RSRC1: variants seen among roughly 807,000 people sequenced by gnomAD.
The protein encoded by RSRC1 is serine/Arginine-related protein 53.
A neutral mutation model predicts 49.1 loss-of-function variants in RSRC1; 39 were observed. The ratio of observed to expected loss-of-function variants is 0.79; its 90% CI spans 0.61 to 1.04. RSRC1 has a LOEUF of 1.04. Among genes scored for constraint, RSRC1 ranks in the 50% least tolerant of loss-of-function variants. The pLI, the probability that RSRC1 is intolerant of heterozygous loss-of-function variation, is 0.00. For missense variants in RSRC1, 388 were observed against 402.4 expected, an observed-to-expected ratio of 0.96 and a Z score of 0.31; for synonymous variants, 143 against 130.8, an observed-to-expected ratio of 1.09 and a Z score of -0.63.
intron 3 of RSRC1, chr3:158,136,689 C>T (rs371159983): frequency 1.3e-5 from 2 of 152,220 alleles, no homozygotes; most frequent in Non-Finnish European, 2.9e-5. Flanking sequence ...TGTGTGGTGA[C>T]TTTATGGTTT....
At chr3:158,234,616 T>C (rs757758352) in intron 4 of RSRC1, among the ~76,000 whole-genome samples, 1 of 152,072 alleles carries the variant, frequency 6.6e-6, no homozygotes, top group Admixed American at 6.6e-5. Context: ...AAAAAGGATA[T>C]ATAACTTATA....
chr3:158,235,988 T>C (rs1723219615), intron 4 of RSRC1, among the ~76,000 whole-genome samples: 1 of 151,938 alleles, frequency 6.6e-6, no homozygotes, highest in Non-Finnish European at 1.5e-5. Context: ...TGGTGGTGTA[T>C]GTCTATAATC....
At chr3:158,334,082 A>G (rs1729715131) in intron 5 of RSRC1, among the ~76,000 whole-genome samples, 1 of 152,196 alleles carries the variant, frequency 6.6e-6, no homozygotes, top group Non-Finnish European at 1.5e-5. Flanking sequence ...TATGGACTAA[A>G]AAATGTGCTG....
chr3:158,345,355 A>G (rs1730493274), intron 5 of RSRC1, among the ~76,000 whole-genome samples: 1 of 152,206 alleles, frequency 6.6e-6, no homozygotes, highest in Non-Finnish European at 1.5e-5. Context: ...AGATTGTATA[A>G]TAAAGCAAGA....
chr3:158,388,155 A>AAC (rs1560021442), intron 6 of RSRC1, among the ~76,000 whole-genome samples: 1 of 151,526 alleles, frequency 6.6e-6, no homozygotes. Flanking sequence ...TATTCATTTG[A>AAC]ATATATATAT....
intron 3 of RSRC1, among the ~76,000 whole-genome samples, chr3:158,180,944 T>G (rs996919818): frequency 1.3e-5 from 2 of 151,714 alleles, no homozygotes; most frequent in African/African-American, 4.8e-5. Flanking sequence ...AGCTGGGATT[T>G]CAGGCGCCCA....
intron 3 of RSRC1, among the ~76,000 whole-genome samples, chr3:158,172,687 G>C (rs1718944821): frequency 6.6e-6 from 1 of 152,002 alleles, no homozygotes; most frequent in Non-Finnish European, 1.5e-5. Flanking sequence ...ATTAAACATG[G>C]CTATTCACAT....
chr3:158,267,893 T>G (rs1303772013), intron 4 of RSRC1, among the ~76,000 whole-genome samples: 1 of 112,948 alleles, frequency 8.9e-6, no homozygotes, highest in Non-Finnish European at 1.8e-5. Flanking sequence ...TAAAAAACAT[T>G]ATAGCCACTC....
intron 3 of RSRC1, among the ~76,000 whole-genome samples, chr3:158,139,672 C>T (rs1716619282): frequency 7.2e-6 from 1 of 139,292 alleles, no homozygotes; most frequent in South Asian, 2.2e-4. Flanking sequence ...CTCGCTCTTT[C>T]GCCCAGGCTG....
chr3:158,224,235 A>G (rs761467346), intron 4 of RSRC1, among the ~76,000 whole-genome samples: 4 of 151,884 alleles, frequency 2.6e-5, no homozygotes, highest in Non-Finnish European at 5.9e-5. Context: ...ATTTCTTAAG[A>G]TAAAATTTTG....
At chr3:158,338,134 T>C (rs985187244) in intron 5 of RSRC1, among the ~76,000 whole-genome samples, 2 of 152,130 alleles carry the variant, frequency 1.3e-5, no homozygotes, top group African/African-American at 4.8e-5. Context: ...TAGTTTAACA[T>C]CCTCATCTAT....
At chr3:158,452,032 A>AT (rs1180814843) in intron 6 of RSRC1, among the ~76,000 whole-genome samples, 2 of 152,102 alleles carry the variant, frequency 1.3e-5, no homozygotes, top group Non-Finnish European at 2.9e-5. Context: ...ATTTTCTGTG[A>AT]TTTTGAATAA....
At chr3:158,190,930 T>G (rs977803901) in intron 3 of RSRC1, among the ~76,000 whole-genome samples, 12 of 152,088 alleles carry the variant, frequency 7.9e-5, no homozygotes, top group African/African-American at 2.6e-4. Context: ...TCTTTTATTT[T>G]ATTAGAAATA....
rs955827731 is a variant in RSRC1, at chr3:158,122,709, C to T, written c.194+411C>T. Among the ~76,000 whole-genome samples the T allele has an allele frequency of 3.9e-5, 6 of 152,062 alleles. No individual in the cohort carries two copies. The East Asian group carries it at 9.6e-4, about 24-fold the overall frequency. On this transcript the variant is annotated intron_variant, in intron 2 of 9. Transcript: ENST00000611884. ...CTCGTCATTTACATTAGGTGTATCT[C>T]CTAATGCTATCCCTCCCCTAGCCCC...
intron 3 of RSRC1, among the ~76,000 whole-genome samples, chr3:158,155,180 C>G (rs1717786542): frequency 6.6e-6 from 1 of 152,120 alleles, no homozygotes; most frequent in Admixed American, 6.6e-5. Context: ...TTAATGGCAT[C>G]TAGAATGGTG....
At chr3:158,253,300 TA>T (rs1724334135) in intron 4 of RSRC1, among the ~76,000 whole-genome samples, 1 of 152,114 alleles carries the variant, frequency 6.6e-6, no homozygotes, top group African/African-American at 2.4e-5. Flanking sequence ...GAAATTTTTT[TA>T]TTTTTCTCCT....
chr3:158,211,937 G>T (rs549175735), intron 4 of RSRC1, among the ~76,000 whole-genome samples: 1 of 151,804 alleles, frequency 6.6e-6, no homozygotes, highest in African/African-American at 2.4e-5. Flanking sequence ...TGTTCCTTCA[G>T]TCTGAAATAC....
intron 7 of RSRC1, among the ~76,000 whole-genome samples, chr3:158,485,320 C>T (rs927508866): frequency 1.3e-5 from 2 of 151,906 alleles, no homozygotes; most frequent in African/African-American, 4.8e-5. Context: ...ATAAGATAAA[C>T]ATTGGAATCC....
At chr3:158,365,285 G>A (rs1433556360) in intron 6 of RSRC1, among the ~76,000 whole-genome samples, 1 of 152,052 alleles carries the variant, frequency 6.6e-6, no homozygotes, top group Non-Finnish European at 1.5e-5. Flanking sequence ...TTCTCCTAAT[G>A]CTATCCCTCC....
Sources: gnomAD v4.1 joint callset for allele counts (sites outside exome capture counted in the v4.1 genomes callset) on GRCh38, gnomAD v4.1.1 for gene constraint, MANE v1.5 for transcripts, NCBI Gene and HGNC (gene_info 2026-07-23, HGNC 2026-07-21) for gene names.